Variants in HCN1 observed in about 807,000 individuals in gnomAD.
The protein encoded by HCN1 is hyperpolarization activated cyclic nucleotide gated potassium channel 1.
Under a neutral mutation model 78.9 loss-of-function variants are expected in HCN1, and 13 were observed. The observed-to-expected ratio is 0.16, with a 90% CI of 0.11 to 0.26. The LOEUF (loss-of-function observed/expected upper bound fraction) is 0.26, where lower values mean the gene tolerates loss of function less well. Ranked by LOEUF, HCN1 falls within the 10% of genes least tolerant of loss-of-function variation. The probability of loss-of-function intolerance (pLI) is 1.00; values close to 1 mark genes in which losing one functional copy is unlikely to be tolerated. For missense variants in HCN1, 810 were observed against 1,154.3 expected, an observed-to-expected ratio of 0.70 and a Z score of 4.32; for synonymous variants, 552 against 455.5, an observed-to-expected ratio of 1.21 and a Z score of -2.70.
intron 2 of HCN1, among the ~76,000 whole-genome samples, chr5:45,570,199 C>T (rs927498740): frequency 6.6e-6 from 1 of 151,912 alleles, no homozygotes; most frequent in African/African-American, 2.4e-5. Context: ...TTCTTCTCTT[C>T]CTTTGTTCCT....
At chr5:45,548,384 TAA>T (rs1023144478) in intron 2 of HCN1, among the ~76,000 whole-genome samples, 3 of 151,918 alleles carry the variant, frequency 2.0e-5, no homozygotes, top group African/African-American at 2.4e-5. Context: ...AGAGATGATA[TAA>T]GAGTTTCAAC....
At chr5:45,446,133 A>G (rs1740789693) in intron 3 of HCN1, among the ~76,000 whole-genome samples, 1 of 152,174 alleles carries the variant, frequency 6.6e-6, no homozygotes, top group Non-Finnish European at 1.5e-5. Flanking sequence ...GAAGTTGAAA[A>G]CTTTGAAAAA....
At chr5:45,534,226 G>A (rs1015213602) in intron 2 of HCN1, among the ~76,000 whole-genome samples, 41 of 150,668 alleles carry the variant, frequency 2.7e-4, no homozygotes, top group African/African-American at 9.5e-4. Flanking sequence ...TGAAACACCC[G>A]TCTCTACAAA....
chr5:45,589,674 A>G (rs1203742526), intron 2 of HCN1, among the ~76,000 whole-genome samples: 1 of 152,232 alleles, frequency 6.6e-6, no homozygotes, highest in Non-Finnish European at 1.5e-5. Flanking sequence ...AGAGAGTTCT[A>G]TAATTCCATG....
chr5:45,606,022 A>C (rs1260815573), intron 2 of HCN1, among the ~76,000 whole-genome samples: 2 of 148,804 alleles, frequency 1.3e-5, no homozygotes, highest in East Asian at 3.9e-4. Context: ...TTTTTAACAC[A>C]AACTTTCACC....
chr5:45,683,652 C>A (rs1739748438), intron 1 of HCN1, among the ~76,000 whole-genome samples: 1 of 151,730 alleles, frequency 6.6e-6, no homozygotes, highest in Non-Finnish European at 1.5e-5. Flanking sequence ...TATATACACA[C>A]ACACACACAT....
chr5:45,655,836 A>C (rs1307310471), intron 1 of HCN1, among the ~76,000 whole-genome samples: 4 of 152,162 alleles, frequency 2.6e-5, no homozygotes. Context: ...GCCCACAAAG[A>C]TATCTCACTG....
intron 2 of HCN1, among the ~76,000 whole-genome samples, chr5:45,520,313 G>A (rs1272477568): frequency 1.3e-5 from 2 of 151,904 alleles, no homozygotes; most frequent in Non-Finnish European, 2.9e-5. Context: ...TGCATGACAT[G>A]CTTATCTCTT....
intron 2 of HCN1, among the ~76,000 whole-genome samples, chr5:45,483,554 C>G (rs1378094415): frequency 2.0e-5 from 3 of 152,044 alleles, no homozygotes; most frequent in Non-Finnish European, 4.4e-5. Context: ...CGAATATGTT[C>G]TCCCATTCTG....
At chr5:45,673,007 C>G (rs1395445598) in intron 1 of HCN1, among the ~76,000 whole-genome samples, 2 of 151,390 alleles carry the variant, frequency 1.3e-5, no homozygotes, top group Non-Finnish European at 3.0e-5. Flanking sequence ...ATCTAATGTC[C>G]ATTCTCTGTT....
At chr5:45,653,566 C>T (rs545164878) in intron 1 of HCN1, among the ~76,000 whole-genome samples, 11 of 151,732 alleles carry the variant, frequency 7.2e-5, no homozygotes, top group African/African-American at 2.4e-4. Flanking sequence ...TTAGTATCTG[C>T]GTTAATGATT....
chr5:45,671,657 A>C (rs920906670), intron 1 of HCN1, among the ~76,000 whole-genome samples: 3 of 151,548 alleles, frequency 2.0e-5, no homozygotes, highest in African/African-American at 7.3e-5. Context: ...TGAAGGTAGA[A>C]TTTAGAAAAA....
chr5:45,495,826 G>T (rs1296516142), intron 2 of HCN1, among the ~76,000 whole-genome samples: 3 of 152,124 alleles, frequency 2.0e-5, no homozygotes, highest in African/African-American at 7.2e-5. Context: ...GTTGAATTTT[G>T]TCAAAGGCAT....
chr5:45,277,018 T>C (rs1291769377), intron 6 of HCN1, among the ~76,000 whole-genome samples: 1 of 152,050 alleles, frequency 6.6e-6, no homozygotes, highest in Non-Finnish European at 1.5e-5. Context: ...TGATTAGGCA[T>C]AGAGAATATT....
intron 2 of HCN1, among the ~76,000 whole-genome samples, chr5:45,531,449 C>T (rs1025451079): frequency 2.0e-5 from 3 of 152,140 alleles, no homozygotes; most frequent in Admixed American, 1.3e-4. Flanking sequence ...TCAAGGTTAT[C>T]TTTGTCCATA....
intron 6 of HCN1, among the ~76,000 whole-genome samples, chr5:45,272,269 G>T (rs1414411028): frequency 2.0e-5 from 3 of 152,012 alleles, no homozygotes; most frequent in Non-Finnish European, 4.4e-5. Flanking sequence ...CTTTGGCGGG[G>T]ATGGGGGGTG....
intron 4 of HCN1, among the ~76,000 whole-genome samples, chr5:45,367,860 A>G (rs898116000): frequency 6.6e-6 from 1 of 151,990 alleles, no homozygotes; most frequent in Non-Finnish European, 1.5e-5. Context: ...CTAAAAATTT[A>G]GGGACCTAAT....
At chr5:45,455,745 C>T (rs1386150033) in intron 3 of HCN1, among the ~76,000 whole-genome samples, 5 of 117,258 alleles carry the variant, frequency 4.3e-5, no homozygotes, top group African/African-American at 1.7e-4. Context: ...CAAATTAAGA[C>T]ATGCTTCTGG....
intron 2 of HCN1, among the ~76,000 whole-genome samples, chr5:45,549,426 G>A (rs957940026): frequency 1.3e-5 from 2 of 152,090 alleles, no homozygotes; most frequent in African/African-American, 4.8e-5. Context: ...AATGGTGCTG[G>A]GAAAACTGGC....
Sources: gnomAD v4.1 joint callset for allele counts (sites outside exome capture counted in the v4.1 genomes callset) on GRCh38, gnomAD v4.1.1 for gene constraint, MANE v1.5 for transcripts, NCBI Gene and HGNC (gene_info 2026-07-23, HGNC 2026-07-21) for gene names.